Variants in RANBP2 observed in about 807,000 individuals in gnomAD.
The protein encoded by RANBP2 is E3 SUMO-protein ligase RanBP2.
A neutral mutation model predicts 303.6 loss-of-function variants in RANBP2; 57 were observed. The ratio of observed to expected loss-of-function variants is 0.19; its 90% CI spans 0.15 to 0.23. The LOEUF is 0.23. RANBP2 is among the 10% of genes least tolerant of loss of function. The pLI is 1.00. For synonymous variants in RANBP2, 1,167 were observed against 1,301.5 expected, an observed-to-expected ratio of 0.90 and a Z score of 2.23; for missense variants, 3,138 against 3,780.8, an observed-to-expected ratio of 0.83 and a Z score of 4.46.
At chr2:108,722,271 A>C (rs1481102031) in intron 1 of RANBP2, among the ~76,000 whole-genome samples, 1 of 151,994 alleles carries the variant, frequency 6.6e-6, no homozygotes, top group African/African-American at 2.4e-5. Context: ...TTTTCCCCCA[A>C]ATTTAAAGTC....
At chr2:109,243,404 T>A in the RANBP2 span, among the ~76,000 whole-genome samples, 1 of 152,232 alleles carries the variant, frequency 6.6e-6, no homozygotes, top group Non-Finnish European at 1.5e-5. Flanking sequence ...GTGCCTGTCC[T>A]TTCTTCTTGC....
At chr2:108,995,384 T>C in the RANBP2 span, among the ~76,000 whole-genome samples, 3 of 152,186 alleles carry the variant, frequency 2.0e-5, no homozygotes, top group Non-Finnish European at 2.9e-5. Flanking sequence ...AGAGGAACGA[T>C]TGATTTACAA....
At position 108,751,644 on chromosome 2, in the gene RANBP2, T is replaced by G; in HGVS notation, c.1572T>G (p.Cys524Trp). 1 of 1,611,540 alleles carries G rather than the reference T, an allele frequency of 6.2e-7. No individual in the cohort carries two copies. The highest frequency in any genetic ancestry group is 8.5e-7 in the Non-Finnish European group (1 of 1,179,586). ...CCCTTCCTGTGTGTAAACAGCTTTG[T>G]ACAGAAAGACAAAAATCTTGGTGGG... ...CLPLPVCKQL[C>W]TERQKSWWDA... Residue 524 changes from cysteine (C) to tryptophan (W), a missense_variant, in exon 11 of 29, where the codon TGT (cysteine) becomes TGG (tryptophan). This residue lies in a region of RANBP2 where 162 missense variants were observed against 286.9 expected (regional missense o/e 0.56). Transcript: ENST00000283195.
the RANBP2 span, among the ~76,000 whole-genome samples, chr2:109,293,891 G>A: frequency 3.9e-4 from 59 of 152,310 alleles, no homozygotes; most frequent in Non-Finnish European, 6.8e-4. Flanking sequence ...AACAGCCTGA[G>A]GCTTGTTGCC....
At chr2:108,888,650 G>A in the RANBP2 span, among the ~76,000 whole-genome samples, 1 of 151,810 alleles carries the variant, frequency 6.6e-6, no homozygotes, top group African/African-American at 2.4e-5. Flanking sequence ...CTGTGGTATC[G>A]CTTGTAATAT....
the RANBP2 span, among the ~76,000 whole-genome samples, chr2:108,829,735 G>A: frequency 6.6e-6 from 1 of 152,302 alleles, no homozygotes; most frequent in African/African-American, 2.4e-5. Flanking sequence ...GACAAATTGA[G>A]ACTGTGTCAA....
the RANBP2 span, among the ~76,000 whole-genome samples, chr2:108,881,113 C>T: frequency 1.3e-5 from 2 of 152,158 alleles, no homozygotes; most frequent in African/African-American, 2.4e-5. Flanking sequence ...CATGGTCTTC[C>T]AATAGAAGGC....
the RANBP2 span, among the ~76,000 whole-genome samples, chr2:109,280,342 G>A: frequency 6.6e-6 from 1 of 152,190 alleles, no homozygotes; most frequent in African/African-American, 2.4e-5. Flanking sequence ...CCCACAGCCA[G>A]CCAGTGGCAG....
At chr2:108,985,382 T>C in the RANBP2 span, among the ~76,000 whole-genome samples, 3 of 152,220 alleles carry the variant, frequency 2.0e-5, no homozygotes, top group Non-Finnish European at 4.4e-5. Flanking sequence ...GTAGGTCTGA[T>C]TGACCGTGAA....
chr2:109,559,034 C>T, the RANBP2 span, among the ~76,000 whole-genome samples: 3 of 152,034 alleles, frequency 2.0e-5, no homozygotes, highest in Admixed American at 6.5e-5. Flanking sequence ...TATAGGTGTC[C>T]GCCACCACAC....
chr2:109,203,264 C>T, the RANBP2 span, among the ~76,000 whole-genome samples: 1 of 152,210 alleles, frequency 6.6e-6, no homozygotes, highest in Non-Finnish European at 1.5e-5. Context: ...ATGAGGCAGG[C>T]TGTGTGGCTG....
rs200049021 is a variant in RANBP2, at chr2:108,765,247, G to C, written c.4708G>C (p.Asp1570His). The change falls in exon 20 of 29, where the codon GAT (aspartate) becomes CAT (histidine). Residue 1570 changes from aspartate (D) to histidine (H), a missense_variant. This residue lies in a region of RANBP2 where 388 missense variants were observed against 328.5 expected (regional missense o/e 1.18). Coordinates refer to ENST00000283195, the MANE Select transcript of RANBP2 (RefSeq NM_006267.5). ...ATRCVACQNP[D>H]KPSPSTSVPA... ...AAGATGTGTTGCTTGTCAGAATCCG[G>C]ATAAACCAAGTCCATCTACTTCTGT... 3.7e-6 allele frequency: 6 copies of C among 1,613,944 alleles called. No homozygotes were observed. In the Admixed American group the frequency reaches 6.7e-5, roughly 18 times the overall value.
chr2:109,001,841 C>T, the RANBP2 span, among the ~76,000 whole-genome samples: 794 of 152,238 alleles, frequency 5.2e-3, 8 homozygotes, highest in Non-Finnish European at 7.9e-3. Flanking sequence ...TGCCATTCTC[C>T]TGCCTCAGCC....
At chr2:109,209,520 C>T in the RANBP2 span, among the ~76,000 whole-genome samples, 3 of 152,206 alleles carry the variant, frequency 2.0e-5, no homozygotes, top group South Asian at 4.1e-4. Flanking sequence ...GCAAGGGAGG[C>T]GAGAACTGTG....
At chr2:108,846,515 C>T in the RANBP2 span, among the ~76,000 whole-genome samples, 7 of 144,476 alleles carry the variant, frequency 4.8e-5, no homozygotes, top group East Asian at 2.0e-4. Flanking sequence ...CCATCTCTAC[C>T]GAAAAAAAAA....
chr2:109,269,697 T>A, the RANBP2 span, among the ~76,000 whole-genome samples: 1 of 152,216 alleles, frequency 6.6e-6, no homozygotes, highest in East Asian at 1.9e-4. Context: ...GAGATTTGTT[T>A]GAACCAAGGA....
the RANBP2 span, among the ~76,000 whole-genome samples, chr2:109,414,854 G>T: frequency 6.6e-6 from 1 of 152,228 alleles, no homozygotes; most frequent in Non-Finnish European, 1.5e-5. Context: ...ACCTAATCTT[G>T]TTGGTGGAGA....
the RANBP2 span, among the ~76,000 whole-genome samples, chr2:109,108,346 G>A: frequency 7.2e-5 from 11 of 152,196 alleles, no homozygotes; most frequent in Non-Finnish European, 1.3e-4. Context: ...GACAGCAACC[G>A]TTTTTAAAAC....
At chr2:109,173,498 T>A in the RANBP2 span, among the ~76,000 whole-genome samples, 1 of 152,134 alleles carries the variant, frequency 6.6e-6, no homozygotes, top group Non-Finnish European at 1.5e-5. Context: ...AAGGCTGGGG[T>A]TGGCACACTG....
Sources: gnomAD v4.1 joint callset for allele counts (sites outside exome capture counted in the v4.1 genomes callset) on GRCh38, gnomAD v4.1.1 for gene constraint, gnomAD v4.1.1 regional missense constraint, MANE v1.5 for transcripts, NCBI Gene and HGNC (gene_info 2026-07-23, HGNC 2026-07-21) for gene names.